The following ZBTB16 variants were observed in gnomAD, a reference collection of about 807,000 sequenced individuals.
ZBTB16 encodes the protein zinc finger and BTB domain-containing protein 16.
In ZBTB16, 8 loss-of-function variants were observed where a neutral mutation model predicts 56.8. The ratio of observed to expected loss-of-function variants is 0.14; its 90% CI spans 0.08 to 0.25. ZBTB16 has a LOEUF of 0.25. ZBTB16 is among the 10% of genes least tolerant of loss of function. The probability of loss-of-function intolerance (pLI) is 1.00; values close to 1 mark genes in which losing one functional copy is unlikely to be tolerated. For missense variants in ZBTB16, 625 were observed against 903.0 expected, an observed-to-expected ratio of 0.69 and a Z score of 3.95; for synonymous variants, 363 against 368.5, an observed-to-expected ratio of 0.98 and a Z score of 0.17.
At chr11:114,203,196 C>A (rs1414883841) in intron 4 of ZBTB16, among the ~76,000 whole-genome samples, 2 of 152,062 alleles carry the variant, frequency 1.3e-5, no homozygotes, top group Admixed American at 6.5e-5. Flanking sequence ...GTGAAACAAG[C>A]AAGACATGAA....
intron 2 of ZBTB16, among the ~76,000 whole-genome samples, chr11:114,114,992 C>A (rs1941127638): frequency 6.6e-6 from 1 of 152,076 alleles, no homozygotes; most frequent in Non-Finnish European, 1.5e-5. Context: ...CCAGGTCGTT[C>A]CATGCTGATG....
intron 2 of ZBTB16, among the ~76,000 whole-genome samples, chr11:114,085,533 A>T (rs1325673180): frequency 6.6e-6 from 1 of 152,120 alleles, no homozygotes; most frequent in Non-Finnish European, 1.5e-5. Context: ...TATATATCAG[A>T]CTGTATGATT....
chr11:114,249,913 C>G (rs1226672682), intron 6 of ZBTB16, among the ~76,000 whole-genome samples: 1 of 151,978 alleles, frequency 6.6e-6, no homozygotes, highest in Non-Finnish European at 1.5e-5. Context: ...CACCTGCTCT[C>G]TGGACGGAAC....
At chr11:114,183,506 C>T (rs1009149420) in intron 3 of ZBTB16, among the ~76,000 whole-genome samples, 1 of 152,194 alleles carries the variant, frequency 6.6e-6, no homozygotes, top group African/African-American at 2.4e-5. Context: ...TTTCTAAGAA[C>T]CCTCCGCGCC....
chr11:114,168,016 A>G (rs1002931688), intron 3 of ZBTB16, among the ~76,000 whole-genome samples: 2 of 152,216 alleles, frequency 1.3e-5, no homozygotes, highest in African/African-American at 4.8e-5. Flanking sequence ...TTAGCCATTT[A>G]TCTATCCCCT....
chr11:114,132,080 T>C (rs1344220284), intron 2 of ZBTB16, among the ~76,000 whole-genome samples: 1 of 152,152 alleles, frequency 6.6e-6, no homozygotes, highest in African/African-American at 2.4e-5. Flanking sequence ...TCTTTTAAAC[T>C]TAATTTCAAA....
At chr11:114,175,955 G>T (rs1429164563) in intron 3 of ZBTB16, among the ~76,000 whole-genome samples, 1 of 151,200 alleles carries the variant, frequency 6.6e-6, no homozygotes, top group African/African-American at 2.4e-5. Flanking sequence ...AGCCAGTATT[G>T]TGAATCCTAC....
chr11:114,106,326 C>T (rs2137767107), intron 2 of ZBTB16, among the ~76,000 whole-genome samples: 1 of 152,286 alleles, frequency 6.6e-6, no homozygotes, highest in East Asian at 1.9e-4. Flanking sequence ...CTCCTACTCC[C>T]ATTGCTGCCT....
At chr11:114,072,956 G>A (rs1939403707) in intron 2 of ZBTB16, among the ~76,000 whole-genome samples, 1 of 151,626 alleles carries the variant, frequency 6.6e-6, no homozygotes, top group African/African-American at 2.4e-5. Flanking sequence ...GGAGGCTGAG[G>A]CAGGAGAATG....
intron 2 of ZBTB16, among the ~76,000 whole-genome samples, chr11:114,094,207 C>T (rs991294571): frequency 7.1e-6 from 1 of 139,948 alleles, no homozygotes; most frequent in Non-Finnish European, 1.6e-5. Context: ...CCCAGCTACT[C>T]GAGAGGCTGA....
chr11:114,199,933 C>T (rs965422040), intron 4 of ZBTB16, among the ~76,000 whole-genome samples: 22 of 152,154 alleles, frequency 1.4e-4, no homozygotes, highest in African/African-American at 4.6e-4. Context: ...TCAAGACCAT[C>T]CTGGCTAACA....
chr11:114,165,929 TG>T (rs1942739904), intron 3 of ZBTB16, among the ~76,000 whole-genome samples: 1 of 152,198 alleles, frequency 6.6e-6, no homozygotes, highest in South Asian at 2.1e-4. Flanking sequence ...CAGGTCGCAA[TG>T]GGCCTGGAAA....
chr11:114,071,968 A>G (rs1270657122), intron 2 of ZBTB16, among the ~76,000 whole-genome samples: 1 of 152,264 alleles, frequency 6.6e-6, no homozygotes, highest in African/African-American at 2.4e-5. Flanking sequence ...AACAGAAATA[A>G]TAGTAGTACC....
intron 2 of ZBTB16, among the ~76,000 whole-genome samples, chr11:114,141,142 G>A (rs549139918): frequency 2.8e-4 from 42 of 152,306 alleles, no homozygotes; most frequent in African/African-American, 9.4e-4. Context: ...CTTGCCCGGC[G>A]GGGTATGCTC....
In ZBTB16 at chr11:114,163,408, TGTTTTTGTTTTTTTTG is replaced by T. The variant is rs201963768; in HGVS notation, c.1366+6988_1366+7003del. 9.4e-3 allele frequency among the ~76,000 whole-genome samples: 1,431 copies of T among 152,160 alleles called. 20 individuals are homozygous for T. The highest frequency in any genetic ancestry group is 0.032 in the African/African-American group (1,313 of 41,504). ...GTGTTTTTGGTTTTGTTGTGTGGGT[TGTTTTTGTTTTTTTTG>T]GTTTTTGTTTTTTGGCCAGGGATTT... is the stretch of plus-strand genomic sequence containing the variant. On this transcript the variant is annotated intron_variant, in intron 3 of 6. Transcript: ENST00000335953.
At chr11:114,219,285 C>T (rs1427013219) in intron 4 of ZBTB16, among the ~76,000 whole-genome samples, 1 of 152,064 alleles carries the variant, frequency 6.6e-6, no homozygotes, top group Non-Finnish European at 1.5e-5. Flanking sequence ...AACAAAAAGC[C>T]CCAACCAACC....
chr11:114,118,111 A>C (rs1414304054), intron 2 of ZBTB16, among the ~76,000 whole-genome samples: 1 of 152,212 alleles, frequency 6.6e-6, no homozygotes, highest in Non-Finnish European at 1.5e-5. Context: ...TTTTGAATCT[A>C]ACTGCATATT....
At chr11:114,148,039 G>A (rs1037715558) in intron 2 of ZBTB16, among the ~76,000 whole-genome samples, 4 of 152,150 alleles carry the variant, frequency 2.6e-5, no homozygotes, top group Non-Finnish European at 2.9e-5. Context: ...ACAAAGGACC[G>A]GTTACGTAGC....
intron 2 of ZBTB16, among the ~76,000 whole-genome samples, chr11:114,152,266 C>A (rs537865004): frequency 2.6e-5 from 4 of 152,310 alleles, no homozygotes; most frequent in Admixed American, 2.6e-4. Flanking sequence ...GCTCTCTAAA[C>A]CAGATGAAAT....
Sources: allele counts gnomAD v4.1 joint callset (sites outside exome capture counted in the v4.1 genomes callset), GRCh38; gene constraint gnomAD v4.1.1; transcripts MANE v1.5; gene names NCBI Gene and HGNC (gene_info 2026-07-23, HGNC 2026-07-21).